Variants in GABRG2 observed in about 807,000 individuals in gnomAD.
The protein encoded by GABRG2 is gamma-aminobutyric acid receptor subunit gamma-2.
GABRG2 carries 16 observed loss-of-function variants against 56.4 expected under a neutral mutation model. The observed-to-expected ratio is 0.28, with a 90% CI of 0.19 to 0.43. GABRG2 has a LOEUF of 0.43. Among genes scored for constraint, GABRG2 ranks in the 20% least tolerant of loss-of-function variants. The pLI is 1.00. For synonymous variants in GABRG2, 208 were observed against 205.5 expected (o/e 1.01, Z -0.10); for missense variants, 327 against 582.7 (o/e 0.56, Z 4.52).
intron 3 of GABRG2, among the ~76,000 whole-genome samples, chr5:162,097,007 T>C (rs982592258): frequency 6.6e-6 from 1 of 152,132 alleles, no homozygotes. Context: ...TTTTGTTGAT[T>C]GCCCTTTTCT....
In GABRG2 at chr5:162,075,933, G is replaced by A. The variant is rs75560699; in HGVS notation, c.107+7827G>A. On this transcript the variant is annotated intron_variant, in intron 1 of 9. Coordinates refer to ENST00000639213, the MANE Select transcript of GABRG2 (RefSeq NM_198904.4). ...TTTGGGAAGCTGAGGCAGGAGGATCGCTTGTGCCCAGGCATTCCAAACTGG... is the reference window on the plus strand; with the variant it reads ...TTTGGGAAGCTGAGGCAGGAGGATCACTTGTGCCCAGGCATTCCAAACTGG... Among the ~76,000 whole-genome samples, 79 of 151,884 alleles carry A rather than the reference G, an allele frequency of 5.2e-4. 1 individual carries two copies. The East Asian group carries it at 0.01, about 20-fold the overall frequency.
At chr5:162,144,741 G>A (rs1314661097) in intron 7 of GABRG2, among the ~76,000 whole-genome samples, 1 of 152,160 alleles carries the variant, frequency 6.6e-6, no homozygotes, top group Non-Finnish European at 1.5e-5. Context: ...CTCTGGGTAG[G>A]AGGCCTTGGT....
chr5:162,152,906 A>C (rs1427871255), intron 9 of GABRG2, 187 bp from the exon 10 acceptor site: 3 of 709,096 alleles, frequency 4.2e-6, no homozygotes, highest in Non-Finnish European at 7.2e-6. Context: ...CTTAAGCTCA[A>C]AATTTGAAAT....
At chr5:162,102,734 T>C in intron 5 of GABRG2, 1 of 379,372 alleles carries the variant, frequency 2.6e-6, no homozygotes, top group South Asian at 2.0e-5. Flanking sequence ...CGTCGCCATG[T>C]TGCCCAAGCT....
chr5:162,073,736 C>G (rs778151258), intron 1 of GABRG2, among the ~76,000 whole-genome samples: 1 of 151,802 alleles, frequency 6.6e-6, no homozygotes, highest in South Asian at 2.1e-4. Flanking sequence ...TAATAAGAAG[C>G]TATAATTTCT....
chr5:162,075,313 C>G (rs973410026), intron 1 of GABRG2, among the ~76,000 whole-genome samples: 1 of 152,018 alleles, frequency 6.6e-6, no homozygotes, highest in Non-Finnish European at 1.5e-5. Flanking sequence ...CTGATTAACT[C>G]ACCTTTTTGA....
chr5:162,084,438 C>T lies in GABRG2; in HGVS notation c.108-9390C>T, dbSNP rs144738271. 5.9e-3 allele frequency among the ~76,000 whole-genome samples: 903 copies of T among 151,934 alleles called. 9 individuals carry two copies. The highest frequency in any genetic ancestry group is 0.021 in the African/African-American group (858 of 41,512). On this transcript the variant is annotated intron_variant, in intron 1 of 9. Transcript: ENST00000639213. ...GCAGTTACCAAAGTAATTATTTACT[C>T]TAAGAAAAGAAAGTCCAGGTGGTTC...
At chr5:162,142,570 T>C (rs971742226) in intron 7 of GABRG2, 19 of 388,404 alleles carry the variant, frequency 4.9e-5, no homozygotes, top group African/African-American at 3.8e-4. Flanking sequence ...TATGCAGCCA[T>C]AAAAAATGAT....
At chr5:162,128,767 G>A (rs532130604) in intron 6 of GABRG2, among the ~76,000 whole-genome samples, 1 of 152,022 alleles carries the variant, frequency 6.6e-6, no homozygotes, top group Non-Finnish European at 1.5e-5. Context: ...ATAATTCTGT[G>A]GTCATGGTTA....
chr5:162,093,614 T>C (rs543414686), intron 1 of GABRG2, among the ~76,000 whole-genome samples: 1 of 152,142 alleles, frequency 6.6e-6, no homozygotes, highest in Non-Finnish European at 1.5e-5. Context: ...TATTTGTCCA[T>C]GGGAGGGCAA....
At chr5:162,101,667 C>T (rs1214548730) in intron 5 of GABRG2, 1 of 288,310 alleles carries the variant, frequency 3.5e-6, no homozygotes, top group African/African-American at 2.2e-5. Flanking sequence ...CTTCCTTTCT[C>T]TCCTATGGGC....
intron 6 of GABRG2, among the ~76,000 whole-genome samples, chr5:162,128,540 G>C (rs866558289): frequency 6.6e-5 from 10 of 151,890 alleles, no homozygotes; most frequent in African/African-American, 2.4e-4. Context: ...AAATGCTGTT[G>C]CTCCAAACTC....
intron 1 of GABRG2, among the ~76,000 whole-genome samples, chr5:162,076,708 A>G (rs1423414958): frequency 6.6e-6 from 1 of 152,176 alleles, no homozygotes; most frequent in Non-Finnish European, 1.5e-5. Context: ...GGTCAGGTCT[A>G]TATTGGACAG....
intron 6 of GABRG2, among the ~76,000 whole-genome samples, chr5:162,130,910 G>T (rs1763696031): frequency 6.6e-6 from 1 of 151,916 alleles, no homozygotes; most frequent in Non-Finnish European, 1.5e-5. Flanking sequence ...AGACCATGAG[G>T]TCATCATCTA....
At position 162,085,813 on chromosome 5, in the gene GABRG2, A is replaced by C. The variant is rs1760051456; in HGVS notation, c.108-8015A>C. ...CCTCATTGTTTAGCTCCCACTTATAAGTAAGAATATGCGGTATTTGGTTTT... is the reference window on the plus strand; with the variant it reads ...CCTCATTGTTTAGCTCCCACTTATACGTAAGAATATGCGGTATTTGGTTTT... On this transcript the variant is annotated intron_variant, in intron 1 of 9. Transcript: ENST00000639213. Among the ~76,000 whole-genome samples the C allele has an allele frequency of 2.0e-5, 3 of 151,812 alleles. No homozygotes were observed. In the South Asian group the frequency reaches 6.2e-4, roughly 32 times the overall value.
intron 6 of GABRG2, among the ~76,000 whole-genome samples, chr5:162,123,400 G>A (rs1263121116): frequency 6.6e-6 from 1 of 150,584 alleles, no homozygotes; most frequent in African/African-American, 2.4e-5. Flanking sequence ...ATTTTTGCAT[G>A]ATGATGGTAT....
rs140260733 is a variant in GABRG2, at chr5:162,128,941, C to T, written c.770-13223C>T. Among the ~76,000 whole-genome samples, 136 of 152,050 alleles carry T rather than the reference C, an allele frequency of 8.9e-4. 1 individual carries two copies. The highest frequency in any genetic ancestry group is 2.9e-3 in the African/African-American group (120 of 41,508). Reference sequence around the variant, plus strand: ...GGTATATAATTTCAACTCTCTGAGTCGCAGTTACAGCTGGATTAGGTGATC... The same window carrying T: ...GGTATATAATTTCAACTCTCTGAGTTGCAGTTACAGCTGGATTAGGTGATC... On this transcript the variant is annotated intron_variant, in intron 6 of 9. Coordinates refer to ENST00000639213, the MANE Select transcript of GABRG2 (RefSeq NM_198904.4).
chr5:162,105,707 G>C (rs532580672), intron 6 of GABRG2, among the ~76,000 whole-genome samples: 1 of 151,944 alleles, frequency 6.6e-6, no homozygotes, highest in African/African-American at 2.4e-5. Context: ...TGGGATTACA[G>C]GCAAGAGCCA....
intron 8 of GABRG2, chr5:162,150,639 C>A (rs540871085): frequency 3.9e-5 from 6 of 152,136 alleles, no homozygotes; most frequent in African/African-American, 1.4e-4. Context: ...GCCGTAATAA[C>A]GCTCTACCTA....
Sources: allele counts gnomAD v4.1 joint callset (sites outside exome capture counted in the v4.1 genomes callset), GRCh38; gene constraint gnomAD v4.1.1; transcripts MANE v1.5; gene names NCBI Gene and HGNC (gene_info 2026-07-23, HGNC 2026-07-21).